The following LAMA2 variants were observed in gnomAD, a reference collection of about 807,000 sequenced individuals.
The protein encoded by LAMA2 is laminin subunit alpha 2.
Under a neutral mutation model 364.8 loss-of-function variants are expected in LAMA2, and 269 were observed. That is an observed-to-expected ratio of 0.74 (90% confidence interval 0.67 to 0.82). LAMA2 has a LOEUF of 0.82. Ranked by LOEUF, LAMA2 falls within the 40% of genes least tolerant of loss-of-function variation. The probability of loss-of-function intolerance (pLI) is 0.00; values close to 1 mark genes in which losing one functional copy is unlikely to be tolerated. For missense variants in LAMA2, 3,807 were observed against 3,873.2 expected, an observed-to-expected ratio of 0.98 and a Z score of 0.45; for synonymous variants, 1,379 against 1,370.6, an observed-to-expected ratio of 1.01 and a Z score of -0.14.
chr6:128,895,529 T>C (rs1776721424), intron 1 of LAMA2, among the ~76,000 whole-genome samples: 1 of 149,456 alleles, frequency 6.7e-6, no homozygotes, highest in South Asian at 2.1e-4. Context: ...GCGCTTGTAG[T>C]GCCAGGTACT....
chr6:129,281,099 C>A (rs895074591), intron 18 of LAMA2, among the ~76,000 whole-genome samples: 4 of 151,900 alleles, frequency 2.6e-5, no homozygotes, highest in African/African-American at 7.3e-5. Flanking sequence ...CAGTTCCTAG[C>A]AGCAACAAGT....
chr6:129,128,493 T>A (rs1284224843), intron 4 of LAMA2, among the ~76,000 whole-genome samples: 1 of 152,204 alleles, frequency 6.6e-6, no homozygotes, highest in Non-Finnish European at 1.5e-5. Flanking sequence ...TTGTTGTGGT[T>A]CCGTGCGATT....
intron 31 of LAMA2, among the ~76,000 whole-genome samples, chr6:129,351,162 C>A (rs1298719170): frequency 6.6e-6 from 1 of 151,554 alleles, no homozygotes; most frequent in Non-Finnish European, 1.5e-5. Context: ...CGCTGGACAC[C>A]AAAAAGATTA....
intron 12 of LAMA2, among the ~76,000 whole-genome samples, chr6:129,247,575 G>A (rs571461315): frequency 2.0e-5 from 3 of 152,168 alleles, no homozygotes; most frequent in Non-Finnish European, 4.4e-5. Context: ...GTGTAAATGG[G>A]TAACTGTGGC....
At chr6:129,005,094 TA>T (rs1784361202) in intron 1 of LAMA2, among the ~76,000 whole-genome samples, 1 of 152,072 alleles carries the variant, frequency 6.6e-6, no homozygotes, top group Non-Finnish European at 1.5e-5. Flanking sequence ...TTATTTTAAA[TA>T]AAAAGTCCTA....
At chr6:129,288,460 A>G (rs767145656) in intron 19 of LAMA2, among the ~76,000 whole-genome samples, 1 of 152,174 alleles carries the variant, frequency 6.6e-6, no homozygotes, top group Non-Finnish European at 1.5e-5. Context: ...AGTAGTAGCC[A>G]TCAGAAGGTG....
chr6:129,297,845 TC>T lies in LAMA2; in HGVS notation c.3019del (p.Gln1007LysfsTer68), dbSNP rs1333076245. On this transcript the variant is annotated frameshift_variant, in exon 21 of 65. Transcript: ENST00000421865. LOFTEE classifies it high-confidence loss of function. ...CDRCAHGYFN[F>X]QEGGCTACEC... ...CGCTGTGCCCACGGCTATTTCAACTTCCAAGAAGGAGGCTGCACAGGTCTGT... is the reference window on the plus strand; with the variant it reads ...CGCTGTGCCCACGGCTATTTCAACTTCAAGAAGGAGGCTGCACAGGTCTGT... 1 of 1,613,796 alleles carries T rather than the reference TC, an allele frequency of 6.2e-7. No individual in the cohort carries two copies. The highest frequency in any genetic ancestry group is 1.3e-5 in the African/African-American group (1 of 75,000).
intron 3 of LAMA2, among the ~76,000 whole-genome samples, chr6:129,066,657 A>T (rs887609679): frequency 7.9e-5 from 12 of 152,238 alleles, no homozygotes; most frequent in African/African-American, 2.7e-4. Flanking sequence ...GAAGCATCAC[A>T]CTATCTGACT....
intron 13 of LAMA2, among the ~76,000 whole-genome samples, chr6:129,250,742 T>C (rs1175558800): frequency 6.6e-6 from 1 of 152,142 alleles, no homozygotes. Flanking sequence ...TGAAGTTTCC[T>C]TAGAGGCTCT....
intron 34 of LAMA2, among the ~76,000 whole-genome samples, chr6:129,373,862 G>A (rs185663446): frequency 1.3e-5 from 2 of 152,192 alleles, no homozygotes; most frequent in Admixed American, 6.5e-5. Flanking sequence ...TTATTACTGT[G>A]GATATTGACC....
chr6:128,887,921 C>G (rs1776236421), intron 1 of LAMA2, among the ~76,000 whole-genome samples: 1 of 152,068 alleles, frequency 6.6e-6, no homozygotes, highest in Non-Finnish European at 1.5e-5. Context: ...TGCAACTTAT[C>G]ATCTATCCAG....
intron 49 of LAMA2, among the ~76,000 whole-genome samples, chr6:129,461,024 T>TA: frequency 6.6e-6 from 1 of 152,008 alleles, no homozygotes; most frequent in Non-Finnish European, 1.5e-5. Flanking sequence ...CACTTTTATA[T>TA]AAAAATGAAT....
chr6:129,270,804 C>A (rs1413531034), intron 17 of LAMA2, 53 bp downstream of exon 17: 4 of 1,569,724 alleles, frequency 2.5e-6, no homozygotes, highest in Non-Finnish European at 3.5e-6. Flanking sequence ...TCTGCAAGTA[C>A]ACTTTTCATA....
intron 1 of LAMA2, among the ~76,000 whole-genome samples, chr6:128,884,335 TA>T (rs1776026847): frequency 6.6e-6 from 1 of 152,176 alleles, no homozygotes; most frequent in Admixed American, 6.5e-5. Flanking sequence ...AAGAAATATT[TA>T]TTATTCGGTT....
chr6:129,486,299 G>A (rs533211140), intron 55 of LAMA2, among the ~76,000 whole-genome samples, 175 bp from the exon 56 acceptor site: 1 of 152,318 alleles, frequency 6.6e-6, no homozygotes, highest in East Asian at 1.9e-4. Context: ...AGCAAAAATG[G>A]TAAATGATTA....
intron 17 of LAMA2, among the ~76,000 whole-genome samples, chr6:129,276,841 A>G (rs1372371910): frequency 6.6e-6 from 1 of 152,036 alleles, no homozygotes; most frequent in East Asian, 1.9e-4. Flanking sequence ...ATTTTGACAG[A>G]TAGAATTAAA....
At chr6:128,884,938 C>A (rs1460484828) in intron 1 of LAMA2, among the ~76,000 whole-genome samples, 1 of 152,158 alleles carries the variant, frequency 6.6e-6, no homozygotes, top group Non-Finnish European at 1.5e-5. Flanking sequence ...TTATCCTGAA[C>A]ACACACAGGA....
chr6:128,966,984 A>C (rs1210562617), intron 1 of LAMA2, among the ~76,000 whole-genome samples: 2 of 152,196 alleles, frequency 1.3e-5, no homozygotes, highest in Admixed American at 1.3e-4. Flanking sequence ...GAAGGTCCAA[A>C]TTTCAGTGAC....
At position 129,148,106 on chromosome 6, in the gene LAMA2, C is replaced by G. The variant is rs1280643443; in HGVS notation, c.910-873C>G. Among the ~76,000 whole-genome samples the G allele has an allele frequency of 2.0e-5, 3 of 151,938 alleles. No homozygotes were observed. The East Asian group carries it at 5.8e-4, about 29-fold the overall frequency. On this transcript the variant is annotated intron_variant, in intron 6 of 64. Coordinates refer to ENST00000421865, the MANE Select transcript of LAMA2 (RefSeq NM_000426.4). ...ACTGGCTTTCTGCATTTTAAAAATCCCTTTACTGTTATTTTATTTGGAGGA... is the reference window on the plus strand; with the variant it reads ...ACTGGCTTTCTGCATTTTAAAAATCGCTTTACTGTTATTTTATTTGGAGGA...
Sources: allele counts gnomAD v4.1 joint callset (sites outside exome capture counted in the v4.1 genomes callset), GRCh38; gene constraint gnomAD v4.1.1; transcripts MANE v1.5; gene names NCBI Gene and HGNC (gene_info 2026-07-23, HGNC 2026-07-21).